Variants in SETD1B observed in about 807,000 individuals in gnomAD.
SETD1B encodes the protein histone-lysine N-methyltransferase SETD1B.
A neutral mutation model predicts 148.0 loss-of-function variants in SETD1B; 7 were observed. The observed-to-expected ratio is 0.05, with a 90% CI of 0.03 to 0.09. SETD1B has a LOEUF of 0.09. Ranked by LOEUF, SETD1B falls within the 10% of genes least tolerant of loss-of-function variation. SETD1B has a pLI of 1.00. For synonymous variants in SETD1B, 1,361 were observed against 1,186.5 expected (o/e 1.15, Z -3.02); for missense variants, 2,155 against 2,729.9 (o/e 0.79, Z 4.69).
upstream of SETD1B, chr12:121,802,467 AAGAG>A (rs920783716): frequency 2.6e-5 from 4 of 152,224 alleles, no homozygotes; most frequent in African/African-American, 7.2e-5. Context: ...CCTTGTTAAA[AAGAG>A]AGAAGGAGTT....
chr12:121,794,963 C>T, the SETD1B span, among the ~76,000 whole-genome samples: 3 of 152,146 alleles, frequency 2.0e-5, no homozygotes, highest in Non-Finnish European at 4.4e-5. Flanking sequence ...TTTTTGCTGG[C>T]GACCCCACCC....
upstream of SETD1B, chr12:121,800,394 G>A (rs1795966): frequency 0.78 from 118,816 of 152,072 alleles, 47,063 homozygotes; most frequent in East Asian, 0.98. Flanking sequence ...TCGGCTCTCA[G>A]AGGGCGACTG....
chr12:121,808,231 G>A lies in SETD1B; in HGVS notation c.568G>A (p.Glu190Lys). The stretch of plus-strand genomic sequence containing the variant: ...AGGGGAAACCCGAATGCGGTTCTAT[G>A]AACTGTTGGTCACTGGCCGATACAC... ...TKGETRMRFYELLVTGRYTPQ... is the reference protein window; with the variant it reads ...TKGETRMRFYKLLVTGRYTPQ... The change falls in exon 5 of 17, where the codon GAA becomes AAA. Residue 190 changes from glutamate to lysine, a missense_variant. Coordinates refer to ENST00000604567, the MANE Select transcript of SETD1B (RefSeq NM_001353345.2). This position sits in a 1 kb window ranked among gnomAD's most constrained non-coding sequence, Gnocchi z 5.3. The A allele has an allele frequency of 6.4e-7, 1 of 1,551,444 alleles. No individual in the cohort carries two copies. The highest frequency in any genetic ancestry group is 8.7e-7 in the Non-Finnish European group (1 of 1,146,858).
At chr12:121,798,267 G>A in the SETD1B span, among the ~76,000 whole-genome samples, 2 of 152,258 alleles carry the variant, frequency 1.3e-5, no homozygotes, top group African/African-American at 4.8e-5. Flanking sequence ...AACAGCCCCT[G>A]TGGATGGGGA....
rs1323260213 is a variant in SETD1B, at chr12:121,810,130, T to A, written c.1185T>A (p.Ser395=). ...AQATPAPGFK[S]AFSPYQTPVA... is the part of the protein sequence containing the mutation. ...CAACCCCTGCTCCTGGATTCAAGTC[T>A]GCTTTCTCTCCGTATCAGACCCCAG... The change falls in exon 6 of 17, where the codon TCT becomes TCA. Residue 395 remains serine (S), a synonymous_variant. Transcript: ENST00000604567. This position sits in a 1 kb window ranked among gnomAD's most constrained non-coding sequence, Gnocchi z 7.6. The A allele has an allele frequency of 1.8e-5, 28 of 1,549,900 alleles. No homozygotes were observed. Among genetic ancestry groups the A allele is most frequent in the Non-Finnish European group, 2.4e-5 (27 of 1,146,884 alleles).
chr12:121,819,833 C>A lies in SETD1B; in HGVS notation c.3848C>A (p.Ser1283Tyr). ...GLSQEGAMLL[S>Y]PEPPAKEVEA... Reference sequence around the variant, plus strand: ...AGCCAGGAAGGGGCCATGTTGCTGTCTCCAGAGCCCCCTGCCAAGGAGGTG... The same window carrying A: ...AGCCAGGAAGGGGCCATGTTGCTGTATCCAGAGCCCCCTGCCAAGGAGGTG... Residue 1283 changes from serine to tyrosine, a missense_variant, in exon 11 of 17, where the codon TCT becomes TAT. Physicochemically the swap from Ser to Tyr is moderately radical, Grantham distance 144 (BLOSUM62 -2). Transcript: ENST00000604567. The A allele has an allele frequency of 1.3e-6, 2 of 1,551,524 alleles. No homozygotes were observed. Among genetic ancestry groups the A allele is most frequent in the Non-Finnish European group, 1.7e-6 (2 of 1,146,930 alleles).
At position 121,805,725 on chromosome 12, in the gene SETD1B, C is replaced by G; in HGVS notation, c.274-110C>G. The G allele has an allele frequency of 4.8e-6, 5 of 1,046,758 alleles. No homozygotes were observed. Among genetic ancestry groups the G allele is most frequent in the Non-Finnish European group, 6.6e-6 (5 of 761,868 alleles). The allele number at this position is 1,046,758 out of a possible 1,614,324, so 64.8% of individuals were successfully genotyped here. A position where few individuals can be genotyped will look rare whatever the true frequency, so the allele number is the denominator to read the frequency against. On this transcript the variant is annotated intron_variant, in intron 3 of 16. Transcript: ENST00000604567. The surrounding 1 kb of genome is among the most constrained non-coding windows in gnomAD (Gnocchi z 4.2). ...TTTTTTAATTTTTAGTTTTTTTACC[C>G]TTTATTGTTTTCAACGGGTGGGCGA...
rs2137595841 is a variant in SETD1B at position 121,830,960 on chromosome 12, G to T, written c.*721G>T. On this transcript the variant is annotated 3_prime_UTR_variant, in exon 17 of 17. Transcript: ENST00000604567. This position sits in a 1 kb window ranked among gnomAD's most constrained non-coding sequence, Gnocchi z 5.7. Reference sequence around the variant, plus strand: ...CCCTGATGGAGCTAAGCTGTCCCAGGCAGGGGTCTCCGCTCTGGGCTTTCC... The same window carrying T: ...CCCTGATGGAGCTAAGCTGTCCCAGTCAGGGGTCTCCGCTCTGGGCTTTCC... The T allele has an allele frequency of 6.6e-6, 1 of 152,542 alleles. No individual in the cohort carries two copies. The highest frequency in any genetic ancestry group is 6.5e-5 in the Admixed American group (1 of 15,308). The allele number at this position is 152,542 out of a possible 1,614,324, so 9.4% of individuals were successfully genotyped here. A position where few individuals can be genotyped will look rare whatever the true frequency, so the allele number is the denominator to read the frequency against.
intron 7 of SETD1B, among the ~76,000 whole-genome samples, chr12:121,815,399 C>CT (rs869029961): frequency 1.7e-4 from 2 of 11,674 alleles, no homozygotes; most frequent in African/African-American, 2.6e-4. Flanking sequence ...GTGCAGACTG[C>CT]CCCCCCCGCC....
the SETD1B span, chr12:121,793,776 C>A: frequency 1.5e-6 from 1 of 671,454 alleles, no homozygotes; most frequent in Non-Finnish European, 2.3e-6. Flanking sequence ...ACCTCCCAGC[C>A]TCAGTTTCCT....
Position 121,819,536 on chromosome 12 carries a change from G to C in SETD1B, c.3551G>C (p.Arg1184Thr). The C allele has an allele frequency of 6.4e-7, 1 of 1,552,442 alleles. No individual in the cohort carries two copies. ...GAGGATGAGGAGGAGGTAGTGGCCA[G>C]GGAAGAGGAGGAAGAAGAGGAGGAG... ...SSEDEEEVVA[R>T]EEEEEEEEEE... The change falls in exon 11 of 17, where the codon AGG becomes ACG. Residue 1184 changes from arginine to threonine, a missense_variant. Transcript: ENST00000604567.
chr12:121,819,397 C>A lies in SETD1B; in HGVS notation c.3419-7C>A, dbSNP rs1466258379. On this transcript the variant is annotated splice_polypyrimidine_tract_variant and splice_region_variant and intron_variant, in intron 10 of 16. Coordinates refer to ENST00000604567, the MANE Select transcript of SETD1B (RefSeq NM_001353345.2). Reference sequence around the variant, plus strand: ...CAGGCAGCCCCTCGTCTGTGTCCCCCATCCAGAGGAGACAGTGAGCATTGT... The same window carrying A: ...CAGGCAGCCCCTCGTCTGTGTCCCCAATCCAGAGGAGACAGTGAGCATTGT... 1.3e-6 allele frequency: 2 copies of A among 1,551,638 alleles called. No individual in the cohort carries two copies. The highest frequency in any genetic ancestry group is 2.4e-5 in the South Asian group (2 of 84,004).
chr12:121,803,121 C>T (rs1295873568), upstream of SETD1B: 2 of 151,868 alleles, frequency 1.3e-5, no homozygotes, highest in African/African-American at 2.4e-5. This position sits in a 1 kb window ranked among gnomAD's most constrained non-coding sequence, Gnocchi z 4.7. Context: ...CGAGGCGGCT[C>T]CTGCGCCTCG....
In SETD1B at chr12:121,804,145, GC is replaced by G; in HGVS notation, c.-98del. 6.6e-6 allele frequency: 1 copy of G among 150,640 alleles called. No homozygotes were observed. Among genetic ancestry groups the G allele is most frequent in the Non-Finnish European group, 1.5e-5 (1 of 67,488 alleles). The allele number at this position is 150,640 out of a possible 1,614,324, so 9.3% of individuals were successfully genotyped here. ...GCGGCGGCGGCGCCCCCCCTTCCTG[GC>G]CCCCGGTCCGGCCGCCCCGGCCTCG... On this transcript the variant is annotated 5_prime_UTR_variant, in exon 1 of 17. It removes the in-frame stop codon of an upstream open reading frame in the 5' UTR. Transcript: ENST00000604567. This position sits in a 1 kb window ranked among gnomAD's most constrained non-coding sequence, Gnocchi z 4.6.
Position 121,810,101 on chromosome 12 carries a change from C to G in SETD1B, c.1156C>G (p.Gln386Glu), listed in dbSNP as rs1438108560. 1 of 1,550,214 alleles carries G rather than the reference C, an allele frequency of 6.5e-7. No individual in the cohort carries two copies. Among genetic ancestry groups the G allele is most frequent in the Non-Finnish European group, 8.7e-7 (1 of 1,146,944 alleles). Residue 386 changes from glutamine to glutamate, a missense_variant, in exon 6 of 17, where the codon CAA (glutamine) becomes GAA (glutamate). Coordinates refer to ENST00000604567, the MANE Select transcript of SETD1B (RefSeq NM_001353345.2). This position sits in a 1 kb window ranked among gnomAD's most constrained non-coding sequence, Gnocchi z 7.6. ...ATFAHTPPPA[Q>E]ATPAPGFKSA... ...ATTTGCCCACACTCCACCACCCGCCCAAGCAACCCCTGCTCCTGGATTCAA... is the reference window on the plus strand; with the variant it reads ...ATTTGCCCACACTCCACCACCCGCCGAAGCAACCCCTGCTCCTGGATTCAA...
chr12:121,799,717 T>TGGGGGGGGGTGGGGGGG (rs1555335213), upstream of SETD1B: 2 of 19,134 alleles, frequency 1.0e-4, no homozygotes, highest in Non-Finnish European at 2.2e-4. Context: ...CGCTCGCAGC[T>TGGGGGGGGGTGGGGGGG]GGGGGGGGGG....
intron 6 of SETD1B, among the ~76,000 whole-genome samples, chr12:121,813,284 A>G (rs1024345447): frequency 1.3e-5 from 2 of 151,922 alleles, no homozygotes; most frequent in Non-Finnish European, 2.9e-5. Context: ...TTGTGCAGTC[A>G]CGAGACTAGG....
At chr12:121,815,367 G>A (rs1474921168) in intron 7 of SETD1B, among the ~76,000 whole-genome samples, 1 of 151,436 alleles carries the variant, frequency 6.6e-6, no homozygotes, top group African/African-American at 2.4e-5. Flanking sequence ...CAGGTGCCTA[G>A]TGGTAGTACA....
Position 121,822,735 on chromosome 12 carries a change from G to C in SETD1B, c.4156G>C (p.Glu1386Gln). The C allele has an allele frequency of 6.6e-7, 1 of 1,517,906 alleles. No individual in the cohort carries two copies. The highest frequency in any genetic ancestry group is 8.9e-7 in the Non-Finnish European group (1 of 1,125,096). 94.0% of individuals were successfully genotyped at this position (1,517,906 alleles called of 1,614,324 possible). A position where few individuals can be genotyped will look rare whatever the true frequency, so the allele number is the denominator to read the frequency against. The change falls in exon 12 of 17, where the codon GAG (glutamate) becomes CAG (glutamine). Residue 1386 changes from glutamate to glutamine, a missense_variant. Physicochemically the swap from Glu to Gln is conservative, Grantham distance 29. This residue lies in a region of SETD1B where 862 missense variants were observed against 873.8 expected (regional missense o/e 0.99). Transcript: ENST00000604567. ...GACGGTGCCAGCCACACCAGGCGGGGAGCCCCCGCTATCAGGGGGCAGCAG... is the reference window on the plus strand; with the variant it reads ...GACGGTGCCAGCCACACCAGGCGGGCAGCCCCCGCTATCAGGGGGCAGCAG... The part of the protein sequence containing the change: ...TETVPATPGG[E>Q]PPLSGGSSGL...
Sources: allele counts gnomAD v4.1 joint callset (sites outside exome capture counted in the v4.1 genomes callset), GRCh38; gene constraint gnomAD v4.1.1; regional missense constraint gnomAD v4.1.1; non-coding constraint Gnocchi (gnomAD v3.1); transcripts MANE v1.5; gene names NCBI Gene and HGNC (gene_info 2026-07-23, HGNC 2026-07-21).